The following SHANK2 variants were observed in gnomAD, a reference collection of about 807,000 sequenced individuals.
SHANK2 encodes the protein SH3 and multiple ankyrin repeat domains protein 2.
In SHANK2, 43 loss-of-function variants were observed where a neutral mutation model predicts 133.7. The observed-to-expected ratio is 0.32, with a 90% confidence interval of 0.25 to 0.41. The LOEUF (loss-of-function observed/expected upper bound fraction) is 0.41. SHANK2 is among the 10% of genes least tolerant of loss of function. The probability of loss-of-function intolerance (pLI) is 1.00; values close to 1 mark genes in which losing one functional copy is unlikely to be tolerated. For missense variants in SHANK2, 1,994 were observed against 2,235.8 expected, an observed-to-expected ratio of 0.89 and a Z score of 2.18; for synonymous variants, 1,017 against 952.8, an observed-to-expected ratio of 1.07 and a Z score of -1.24.
intron 15 of SHANK2, among the ~76,000 whole-genome samples, chr11:70,692,799 G>A (rs1945317835): frequency 1.3e-5 from 2 of 152,246 alleles, no homozygotes; most frequent in Admixed American, 6.5e-5. Context: ...ATAGGGAGCT[G>A]TGGACAGTGG....
intron 15 of SHANK2, chr11:70,661,909 G>T: frequency 8.5e-7 from 1 of 1,173,944 alleles, no homozygotes; most frequent in Non-Finnish European, 1.2e-6. Flanking sequence ...GGTGGGGGCA[G>T]GCAGAGCCGG....
chr11:71,060,853 C>T (rs1950978711), intron 9 of SHANK2, among the ~76,000 whole-genome samples: 1 of 152,170 alleles, frequency 6.6e-6, no homozygotes, highest in Admixed American at 6.5e-5. Flanking sequence ...ACGCTCCGCA[C>T]AGGGTTTCAG....
chr11:70,719,660 GGCT>G, intron 14 of SHANK2, among the ~76,000 whole-genome samples: 1 of 151,946 alleles, frequency 6.6e-6, no homozygotes, highest in Admixed American at 6.6e-5. Context: ...GGGCCCAGGG[GGCT>G]GCTGCTGCTC....
intron 13 of SHANK2, 21 bp downstream of exon 13, chr11:70,806,980 AG>A (rs1948176714): frequency 1.4e-6 from 1 of 714,450 alleles, no homozygotes; most frequent in East Asian, 2.7e-5. Context: ...CCAGGAGCGG[AG>A]GACAACCAGC....
intron 6 of SHANK2, among the ~76,000 whole-genome samples, chr11:71,096,852 A>G (rs1263236284): frequency 6.6e-6 from 1 of 152,216 alleles, no homozygotes; most frequent in Non-Finnish European, 1.5e-5. Context: ...CATTTTATAA[A>G]TGAGAATGCT....
At position 71,148,563 on chromosome 11, in the gene SHANK2, C is replaced by T. The variant is rs542092252; in HGVS notation, c.-12-1225G>A. ...GAGGGGCCATGCTGAACCAGCAATT[C>T]CACTTCTGGGTGCGTTCTGTGGGGA... On this transcript the variant is annotated intron_variant, in intron 2 of 25. Coordinates refer to ENST00000601538, the MANE Select transcript of SHANK2 (RefSeq NM_012309.5). 3.9e-5 allele frequency among the ~76,000 whole-genome samples: 6 copies of T among 152,252 alleles called. No individual in the cohort carries two copies. The South Asian group carries it at 1.2e-3, about 32-fold the overall frequency.
intron 9 of SHANK2, among the ~76,000 whole-genome samples, chr11:71,066,421 C>A (rs1951064980): frequency 6.6e-6 from 1 of 151,866 alleles, no homozygotes; most frequent in East Asian, 1.9e-4. Context: ...GTCCGTGAAG[C>A]CAAGGAACTT....
chr11:71,206,936 A>T (rs1443718120), intron 2 of SHANK2, among the ~76,000 whole-genome samples: 1 of 152,032 alleles, frequency 6.6e-6, no homozygotes, highest in African/African-American at 2.4e-5. Flanking sequence ...TAAAAAAAAG[A>T]TTAGCCAGGC....
At chr11:70,659,453 G>A (rs1025807458) in intron 17 of SHANK2, among the ~76,000 whole-genome samples, 4 of 152,124 alleles carry the variant, frequency 2.6e-5, no homozygotes, top group African/African-American at 9.7e-5. Context: ...CTCACCCATA[G>A]GACACAAGAA....
intron 2 of SHANK2, among the ~76,000 whole-genome samples, chr11:71,152,369 C>A (rs1475229286): frequency 6.6e-6 from 1 of 152,234 alleles, no homozygotes; most frequent in African/African-American, 2.4e-5. Context: ...CTGCCTCCAC[C>A]TCCCAAAGTG....
At chr11:70,870,846 G>A (rs190557566) in intron 11 of SHANK2, among the ~76,000 whole-genome samples, 4 of 152,192 alleles carry the variant, frequency 2.6e-5, no homozygotes, top group East Asian at 3.9e-4. Context: ...GCACGATCTC[G>A]GCTCACTGCA....
intron 15 of SHANK2, among the ~76,000 whole-genome samples, chr11:70,670,905 G>A (rs368554701): frequency 1.3e-5 from 2 of 152,180 alleles, no homozygotes; most frequent in East Asian, 3.9e-4. Flanking sequence ...GGCATCAGGA[G>A]GGCAGTGGTT....
chr11:70,774,562 C>T (rs142279318), intron 14 of SHANK2, among the ~76,000 whole-genome samples: 284 of 152,190 alleles, frequency 1.9e-3, no homozygotes, highest in East Asian at 5.4e-3. Context: ...TCAGGTGATC[C>T]GCCCGCCTTG....
intron 10 of SHANK2, among the ~76,000 whole-genome samples, chr11:70,899,195 G>A (rs565247424): frequency 3.3e-4 from 50 of 152,284 alleles, no homozygotes; most frequent in Admixed American, 5.2e-4. Flanking sequence ...CCCATGTGTC[G>A]AGGGAGGGAC....
chr11:70,841,207 G>A lies in SHANK2; in HGVS notation c.1175-20525C>T, dbSNP rs1590746506. ...AATCGCTTGAACCTGGGAGGCAGAG[G>A]TTACAGTGAGCTGAGATGGCACCAC... On this transcript the variant is annotated intron_variant, in intron 11 of 25. Coordinates refer to ENST00000601538, the MANE Select transcript of SHANK2 (RefSeq NM_012309.5). Among the ~76,000 whole-genome samples, 4 of 152,304 alleles carry A rather than the reference G, an allele frequency of 2.6e-5. No homozygotes were observed. The East Asian group carries it at 7.7e-4, about 29-fold the overall frequency.
In SHANK2 at chr11:70,486,785, C is replaced by T. The variant is rs143671037; in HGVS notation, c.3508G>A (p.Gly1170Arg). The change falls in exon 25 of 26, where the codon GGG becomes AGG. Residue 1170 changes from glycine to arginine, a missense_variant. Coordinates refer to ENST00000601538, the MANE Select transcript of SHANK2 (RefSeq NM_012309.5). This position sits in a 1 kb window ranked among gnomAD's most constrained non-coding sequence, Gnocchi z 8.0. Reference sequence around the variant, plus strand: ...TTGGACGTGGAATTCAGCGGCCTCCCAGCCTCACCCGGAGCACTGGCCTCG... The same window carrying T: ...TTGGACGTGGAATTCAGCGGCCTCCTAGCCTCACCCGGAGCACTGGCCTCG... ...GAEASAPGEA[G>R]RPLNSTSKAQ... The T allele has an allele frequency of 1.7e-4, 271 of 1,611,828 alleles. No individual in the cohort carries two copies. Among genetic ancestry groups the T allele is most frequent in the Non-Finnish European group, 2.2e-4 (259 of 1,179,944 alleles).
At chr11:70,528,338 G>C (rs1483540887) in intron 17 of SHANK2, among the ~76,000 whole-genome samples, 1 of 152,190 alleles carries the variant, frequency 6.6e-6, no homozygotes, top group Non-Finnish European at 1.5e-5. Context: ...GCAGCCTCCT[G>C]GGCTGACGCG....
chr11:70,508,387 CAG>C (rs1440181515), intron 17 of SHANK2, among the ~76,000 whole-genome samples: 1 of 152,262 alleles, frequency 6.6e-6, no homozygotes, highest in Non-Finnish European at 1.5e-5. Flanking sequence ...TGGGGCGGGG[CAG>C]AGTCTGCCCC....
intron 8 of SHANK2, among the ~76,000 whole-genome samples, chr11:71,084,299 G>T (rs1951348502): frequency 6.6e-6 from 1 of 152,310 alleles, no homozygotes; most frequent in Admixed American, 6.5e-5. Context: ...ATAATTTGCA[G>T]ACAGCCTGAG....
Sources: gnomAD v4.1 joint callset for allele counts (sites outside exome capture counted in the v4.1 genomes callset) on GRCh38, gnomAD v4.1.1 for gene constraint, Gnocchi (gnomAD v3.1) non-coding constraint, MANE v1.5 for transcripts, NCBI Gene and HGNC (gene_info 2026-07-23, HGNC 2026-07-21) for gene names.